The following SULF1 variants were observed in gnomAD, a reference collection of about 807,000 sequenced individuals.
SULF1 encodes the protein extracellular sulfatase Sulf-1.
SULF1 carries 46 observed loss-of-function variants against 110.5 expected under a neutral mutation model. That is an observed-to-expected ratio of 0.42 (90% CI 0.33 to 0.53). The LOEUF is 0.53. Among genes scored for constraint, SULF1 ranks in the 20% least tolerant of loss-of-function variants. The probability of loss-of-function intolerance (pLI) is 0.12; values close to 1 mark genes in which losing one functional copy is unlikely to be tolerated. For missense variants in SULF1, 941 were observed against 1,094.2 expected (o/e 0.86, Z 1.98); for synonymous variants, 371 against 387.1 (o/e 0.96, Z 0.49).
At chr8:69,592,485 G>GGC (rs1199861825) in intron 8 of SULF1, among the ~76,000 whole-genome samples, 1 of 152,182 alleles carries the variant, frequency 6.6e-6, no homozygotes, top group African/African-American at 2.4e-5. Flanking sequence ...AATCTACACA[G>GGC]TGCAGAGGGT....
intron 2 of SULF1, among the ~76,000 whole-genome samples, chr8:69,499,110 C>T (rs780659047): frequency 7.2e-5 from 11 of 152,128 alleles, no homozygotes; most frequent in Non-Finnish European, 1.3e-4. Flanking sequence ...CTGCCCGCCT[C>T]GGCCTCCCAA....
chr8:69,655,941 T>C (rs1295750993), intron 22 of SULF1, among the ~76,000 whole-genome samples: 2 of 152,234 alleles, frequency 1.3e-5, no homozygotes, highest in African/African-American at 4.8e-5. Flanking sequence ...ATCTATTAAA[T>C]GTGCACCCTC....
At chr8:69,643,089 C>T (rs1811608915) in intron 22 of SULF1, among the ~76,000 whole-genome samples, 1 of 152,124 alleles carries the variant, frequency 6.6e-6, no homozygotes, top group South Asian at 2.1e-4. Flanking sequence ...CAGACTTTGC[C>T]ATTTCATAGT....
intron 1 of SULF1, among the ~76,000 whole-genome samples, chr8:69,474,733 A>G (rs555984694): frequency 2.6e-5 from 4 of 152,204 alleles, no homozygotes; most frequent in Non-Finnish European, 4.4e-5. Context: ...GAGATTTATG[A>G]TATGGACCCA....
At chr8:69,552,090 T>G (rs187483516) in intron 3 of SULF1, among the ~76,000 whole-genome samples, 50 of 152,270 alleles carry the variant, frequency 3.3e-4, no homozygotes, top group African/African-American at 1.1e-3. Flanking sequence ...TGAAACTATG[T>G]CTCAAAGAAA....
At chr8:69,486,322 TAA>T (rs57385713) in intron 1 of SULF1, among the ~76,000 whole-genome samples, 2,662 of 150,236 alleles carry the variant, frequency 0.018, 84 homozygotes, top group African/African-American at 0.061. Context: ...AGGCTTTTTT[TAA>T]AAAAAAAAAA....
chr8:69,495,464 C>G (rs748068932), intron 1 of SULF1, among the ~76,000 whole-genome samples: 8 of 152,130 alleles, frequency 5.3e-5, no homozygotes, highest in African/African-American at 1.9e-4. Context: ...GCTCTCCCTA[C>G]TATGTTCTAA....
chr8:69,601,244 C>T (rs780367766), intron 9 of SULF1, among the ~76,000 whole-genome samples: 12 of 152,298 alleles, frequency 7.9e-5, no homozygotes, highest in Non-Finnish European at 1.5e-4. Flanking sequence ...CCAAACAAGA[C>T]GTGCCTCAGG....
intron 1 of SULF1, among the ~76,000 whole-genome samples, chr8:69,472,724 A>T (rs1384333975): frequency 6.6e-6 from 1 of 152,236 alleles, no homozygotes; most frequent in Non-Finnish European, 1.5e-5. Context: ...AGAGGCATTA[A>T]CAATCACATT....
At chr8:69,530,579 A>G (rs1206161527) in intron 3 of SULF1, among the ~76,000 whole-genome samples, 1 of 152,126 alleles carries the variant, frequency 6.6e-6, no homozygotes, top group Non-Finnish European at 1.5e-5. Flanking sequence ...CACCATCAAA[A>G]CCACTGCCTA....
chr8:69,517,072 C>T (rs1194940658), intron 3 of SULF1, among the ~76,000 whole-genome samples: 1 of 152,148 alleles, frequency 6.6e-6, no homozygotes, highest in Non-Finnish European at 1.5e-5. Flanking sequence ...TTACTTGACT[C>T]ATGATTCTGG....
At chr8:69,636,498 C>T (rs181089599) in intron 19 of SULF1, among the ~76,000 whole-genome samples, 1 of 151,960 alleles carries the variant, frequency 6.6e-6, no homozygotes, top group African/African-American at 2.4e-5. Flanking sequence ...GATCGCTCCA[C>T]TGCACTCCAG....
At position 69,603,666 on chromosome 8, in the gene SULF1, G is replaced by T; in HGVS notation, c.1247+10G>T. 2 of 1,606,142 alleles carry T rather than the reference G, an allele frequency of 1.2e-6. No individual in the cohort carries two copies. Among genetic ancestry groups the T allele is most frequent in the Non-Finnish European group, 1.7e-6 (2 of 1,172,756 alleles). On this transcript the variant is annotated intron_variant, in intron 12 of 22. Transcript: ENST00000402687. ...TCCTAGTGGAAAGAGGGTAATTATT[G>T]GTTCCTGGGGTGCTTCTGGGAACCA... is the stretch of plus-strand genomic sequence containing the variant.
At position 69,601,669 on chromosome 8, in the gene SULF1, G is replaced by C; in HGVS notation, c.901G>C (p.Val301Leu). 6.2e-7 allele frequency: 1 copy of C among 1,610,268 alleles called. No individual in the cohort carries two copies. The highest frequency in any genetic ancestry group is 8.5e-7 in the Non-Finnish European group (1 of 1,178,286). ...DSVERLYNML[V>L]ETGELENTYI... Reference sequence around the variant, plus strand: ...TGTATTTCAGCTGTATAACATGCTCGTGGAGACGGGGGAGCTGGAGAATAC... The same window carrying C: ...TGTATTTCAGCTGTATAACATGCTCCTGGAGACGGGGGAGCTGGAGAATAC... The change falls in exon 10 of 23, where the codon GTG becomes CTG. Residue 301 changes from valine to leucine, a missense_variant. Physicochemically the swap from Val to Leu is conservative, Grantham distance 32. Coordinates refer to ENST00000402687, the MANE Select transcript of SULF1 (RefSeq NM_001128205.2).
intron 1 of SULF1, among the ~76,000 whole-genome samples, chr8:69,486,929 C>T (rs987923866): frequency 6.6e-6 from 1 of 152,200 alleles, no homozygotes; most frequent in African/African-American, 2.4e-5. Context: ...TTAATATGTT[C>T]TTTGTTGATT....
chr8:69,621,164 G>A lies in SULF1; in HGVS notation c.1507G>A (p.Glu503Lys), dbSNP rs1402934016. ...TCGCGGCTTCCATGACAAAGACAAA[G>A]AGTGCAGTTGTAGGGAGTCTGGTTA... ...YARGFHDKDKECSCRESGYRA... is the reference protein window; with the variant it reads ...YARGFHDKDKKCSCRESGYRA... Residue 503 changes from glutamate (E) to lysine (K), a missense_variant, in exon 14 of 23, where the codon GAG (glutamate) becomes AAG (lysine). Coordinates refer to ENST00000402687, the MANE Select transcript of SULF1 (RefSeq NM_001128205.2). 3 of 1,614,074 alleles carry A rather than the reference G, an allele frequency of 1.9e-6. No individual in the cohort carries two copies. Among genetic ancestry groups the A allele is most frequent in the East Asian group, 4.5e-5 (2 of 44,888 alleles).
intron 3 of SULF1, among the ~76,000 whole-genome samples, chr8:69,551,608 A>G (rs1473186967): frequency 6.6e-6 from 1 of 152,196 alleles, no homozygotes; most frequent in Non-Finnish European, 1.5e-5. Flanking sequence ...GTAGATAGAA[A>G]ATAATCCTAT....
chr8:69,510,031 T>C (rs1303082861), intron 3 of SULF1, among the ~76,000 whole-genome samples: 1 of 152,250 alleles, frequency 6.6e-6, no homozygotes, highest in Non-Finnish European at 1.5e-5. Flanking sequence ...ATTCTGACTA[T>C]AAAAACATTG....
chr8:69,584,134 G>A (rs188483330), intron 6 of SULF1, among the ~76,000 whole-genome samples: 15 of 152,336 alleles, frequency 9.8e-5, no homozygotes, highest in African/African-American at 2.9e-4. Flanking sequence ...TGCGAGAAGA[G>A]GGTGAAGTAA....
Sources: allele counts gnomAD v4.1 joint callset (sites outside exome capture counted in the v4.1 genomes callset), GRCh38; gene constraint gnomAD v4.1.1; transcripts MANE v1.5; gene names NCBI Gene and HGNC (gene_info 2026-07-23, HGNC 2026-07-21).